CUBN: variants seen among roughly 807,000 people sequenced by gnomAD.
CUBN encodes cubilin.
A neutral mutation model predicts 405.3 loss-of-function variants in CUBN; 282 were observed. That is an observed-to-expected ratio of 0.70 (90% CI 0.63 to 0.77). The LOEUF (loss-of-function observed/expected upper bound fraction) is 0.77. Ranked by LOEUF, CUBN falls within the 30% of genes least tolerant of loss-of-function variation. CUBN has a pLI of 0.00. For missense variants in CUBN, 4,514 were observed against 4,475.2 expected (o/e 1.01, Z -0.25); for synonymous variants, 1,684 against 1,617.0 (o/e 1.04, Z -0.99).
intron 50 of CUBN, 99 bp downstream of exon 50, chr10:16,906,104 C>T: frequency 1.0e-6 from 1 of 980,420 alleles, no homozygotes. Flanking sequence ...AGAGAGCAAG[C>T]TCCTGTCTCA....
At chr10:16,948,700 C>A in intron 34 of CUBN, 94 bp from the exon 35 acceptor site, 1 of 1,530,154 alleles carries the variant, frequency 6.5e-7, no homozygotes, top group East Asian at 2.3e-5. Flanking sequence ...TTACAAGAGA[C>A]CAAAACAAAG....
intron 59 of CUBN, among the ~76,000 whole-genome samples, chr10:16,852,041 T>C (rs1189118395): frequency 2.2e-5 from 2 of 90,514 alleles, no homozygotes; most frequent in East Asian, 3.8e-4. Flanking sequence ...TCCCTCCCTC[T>C]ATCTTTCCCT....
intron 27 of CUBN, 122 bp from the exon 28 acceptor site, chr10:17,020,105 G>T: frequency 2.0e-6 from 2 of 1,004,190 alleles, no homozygotes; most frequent in Non-Finnish European, 3.1e-6. Flanking sequence ...ATCTGCTGAG[G>T]TGGGTTGAGT....
rs578072453 is a variant in CUBN at position 16,907,707 on chromosome 10, G to C, written c.7534-28C>G. On this transcript the variant is annotated intron_variant, in intron 48 of 66. Coordinates refer to ENST00000377833, the MANE Select transcript of CUBN (RefSeq NM_001081.4). ...GTTGGAAAAAGAGTTTAACCTTCAG[G>C]CACACAATCCATCTTACTGCATATT... is the stretch of plus-strand genomic sequence containing the variant. 3 of 1,608,912 alleles carry C rather than the reference G, an allele frequency of 1.9e-6. No individual in the cohort carries two copies. In the Admixed American group the frequency reaches 5.0e-5, roughly 27 times the overall value.
At chr10:17,125,633 G>A (rs1157790660) in intron 4 of CUBN, among the ~76,000 whole-genome samples, 1 of 152,210 alleles carries the variant, frequency 6.6e-6, no homozygotes, top group African/African-American at 2.4e-5. Context: ...GAAATCAGGA[G>A]TCAGGAGGAA....
At chr10:16,856,694 G>A (rs1839878827) in intron 59 of CUBN, among the ~76,000 whole-genome samples, 1 of 152,130 alleles carries the variant, frequency 6.6e-6, no homozygotes, top group Non-Finnish European at 1.5e-5. Flanking sequence ...GAGGTTGTCT[G>A]GATAGTATCT....
At chr10:16,846,404 T>TC (rs1839509690) in intron 60 of CUBN, among the ~76,000 whole-genome samples, 1 of 152,230 alleles carries the variant, frequency 6.6e-6, no homozygotes. Flanking sequence ...TTATATACTT[T>TC]CCTTTTATTT....
At chr10:16,964,846 T>C (rs915707446) in intron 31 of CUBN, among the ~76,000 whole-genome samples, 4 of 152,206 alleles carry the variant, frequency 2.6e-5, no homozygotes, top group African/African-American at 9.6e-5. Context: ...TTGCCTAATA[T>C]CTACAACTGT....
chr10:17,033,290 C>T (rs1459665456), intron 27 of CUBN, among the ~76,000 whole-genome samples: 1 of 152,194 alleles, frequency 6.6e-6, no homozygotes, highest in East Asian at 1.9e-4. Context: ...GAGGCCTTTC[C>T]TGACCCACAA....
chr10:16,940,336 A>G, intron 36 of CUBN, 99 bp from the exon 37 acceptor site: 1 of 1,103,482 alleles, frequency 9.1e-7, no homozygotes, highest in African/African-American at 1.5e-5. Context: ...CACTTTTTTA[A>G]ACTTTCTTTA....
rs547293860 is a variant in CUBN, at chr10:17,114,232, T to C, written c.721-43A>G. The C allele has an allele frequency of 9.4e-6, 15 of 1,602,548 alleles. No homozygotes were observed. In the Admixed American group the frequency reaches 1.9e-4, roughly 20 times the overall value. On this transcript the variant is annotated intron_variant, in intron 7 of 66. Coordinates refer to ENST00000377833, the MANE Select transcript of CUBN (RefSeq NM_001081.4). ...GCGTGAATAAAGACAATCATGAAAA[T>C]CAGCAAGAAAAGCCTTTGAACATTT...
Position 16,877,795 on chromosome 10 carries a change from TA to T in CUBN, c.8906-699del, listed in dbSNP as rs545832860. Reference sequence around the variant, plus strand: ...CCCCAAAGAAAAATATAAAACAAAATAAACAAGAAATTAAAAAGATATGTGT... The same window carrying T: ...CCCCAAAGAAAAATATAAAACAAAATAACAAGAAATTAAAAAGATATGTGT... On this transcript the variant is annotated intron_variant, in intron 56 of 66. Transcript: ENST00000377833. Among the ~76,000 whole-genome samples the T allele has an allele frequency of 5.7e-3, 864 of 152,208 alleles. 8 individuals carry two copies. Among genetic ancestry groups the T allele is most frequent in the African/African-American group, 0.02 (820 of 41,542 alleles).
Position 17,100,188 on chromosome 10 carries a change from G to T in CUBN, c.1582C>A (p.Pro528Thr). 1 of 1,614,042 alleles carries T rather than the reference G, an allele frequency of 6.2e-7. No individual in the cohort carries two copies. The highest frequency in any genetic ancestry group is 1.1e-5 in the South Asian group (1 of 91,072). Reference sequence around the variant, plus strand: ...TCATAAACCTGAAGAAACTCGTGTGGACAGTTGTCCATGGATTCTAACCGG... The same window carrying T: ...TCATAAACCTGAAGAAACTCGTGTGTACAGTTGTCCATGGATTCTAACCGG... ...FFRLESMDNCPHEFLQVYDGD... is the reference protein window; with the variant it reads ...FFRLESMDNCTHEFLQVYDGD... The change falls in exon 14 of 67, where the codon CCA (proline) becomes ACA (threonine). Residue 528 changes from proline (P) to threonine (T), a missense_variant. This residue lies in a region of CUBN where 1,448 missense variants were observed against 1,388.0 expected (regional missense o/e 1.04). Coordinates refer to ENST00000377833, the MANE Select transcript of CUBN (RefSeq NM_001081.4).
chr10:17,124,575 C>T (rs533350671), intron 4 of CUBN, among the ~76,000 whole-genome samples: 16 of 150,718 alleles, frequency 1.1e-4, no homozygotes, highest in Admixed American at 9.2e-4. Context: ...ACTACAGGCG[C>T]CCGCCACCAC....
chr10:17,109,759 A>G (rs1836726538), intron 9 of CUBN, 24 bp from the exon 10 acceptor site: 5 of 1,574,736 alleles, frequency 3.2e-6, no homozygotes, highest in Middle Eastern at 1.8e-4. Context: ...GAGCCAGGTC[A>G]TAAGAAACAA....
intron 17 of CUBN, among the ~76,000 whole-genome samples, chr10:17,074,005 A>G (rs1448995411): frequency 6.6e-6 from 1 of 152,214 alleles, no homozygotes; most frequent in Admixed American, 6.5e-5. Flanking sequence ...GAGGCTTGCT[A>G]CTATGAGCAG....
intron 63 of CUBN, among the ~76,000 whole-genome samples, chr10:16,835,812 T>C (rs182341447): frequency 2.9e-3 from 442 of 152,252 alleles, no homozygotes; most frequent in Admixed American, 8.3e-3. Context: ...TTTGTGAAAA[T>C]ACTAAAAACC....
At chr10:16,881,235 G>A (rs1249790359) in intron 56 of CUBN, among the ~76,000 whole-genome samples, 2 of 152,182 alleles carry the variant, frequency 1.3e-5, no homozygotes, top group Non-Finnish European at 1.5e-5. Flanking sequence ...CTATGCATGT[G>A]TTAGGTATTA....
chr10:16,841,617 C>T (rs1277990280), intron 60 of CUBN, among the ~76,000 whole-genome samples: 1 of 152,128 alleles, frequency 6.6e-6, no homozygotes, highest in Non-Finnish European at 1.5e-5. Context: ...TCACTTTGTT[C>T]GATTCCGCTT....
Sources: gnomAD v4.1 joint callset for allele counts (sites outside exome capture counted in the v4.1 genomes callset) on GRCh38, gnomAD v4.1.1 for gene constraint, gnomAD v4.1.1 regional missense constraint, MANE v1.5 for transcripts, NCBI Gene and HGNC (gene_info 2026-07-23, HGNC 2026-07-21) for gene names.